TMEM223: variants seen among roughly 807,000 people sequenced by gnomAD.
TMEM223 encodes the protein transmembrane protein 223.
Under a neutral mutation model 14.1 loss-of-function variants are expected in TMEM223, and 14 were observed. The observed-to-expected ratio is 0.99, with a 90% confidence interval of 0.66 to 1.55. The LOEUF (loss-of-function observed/expected upper bound fraction) is 1.55, where lower values mean the gene tolerates loss of function less well. Ranked by LOEUF, TMEM223 falls within the 40% of genes most tolerant of loss-of-function variation. The pLI is 0.00. For synonymous variants in TMEM223, 145 were observed against 120.5 expected (o/e 1.20, Z -1.33); for missense variants, 346 against 269.9 (o/e 1.28, Z -1.97).
At position 62,791,316 on chromosome 11, in the gene TMEM223, G is replaced by A. The variant is rs569688379; in HGVS notation, c.316+363C>T. On this transcript the variant is annotated intron_variant, in intron 1 of 1. Transcript: ENST00000307366. ...TCGGTCGCTTAGGCTGGAGTGCAGTGGCGTCATCTCGGCTCACTGCAACCT... is the reference window on the plus strand; with the variant it reads ...TCGGTCGCTTAGGCTGGAGTGCAGTAGCGTCATCTCGGCTCACTGCAACCT... Among the ~76,000 whole-genome samples, 17 of 152,128 alleles carry A rather than the reference G, an allele frequency of 1.1e-4. No individual in the cohort carries two copies. In the East Asian group the frequency reaches 3.1e-3, roughly 28 times the overall value.
At chr11:62,787,858 T>G (rs2084306902), downstream of TMEM223, 2 of 619,282 alleles carry the variant, frequency 3.2e-6, no homozygotes, top group African/African-American at 1.8e-5. Flanking sequence ...CGTCCATCCG[T>G]TAAATCAGAA....
downstream of TMEM223, chr11:62,771,381 GGCC>G (rs1206827903): frequency 2.6e-5 from 4 of 153,376 alleles, no homozygotes; most frequent in African/African-American, 9.7e-5. Flanking sequence ...GGGAGGGCGG[GGCC>G]GGGGCCCCGG....
downstream of TMEM223, among the ~76,000 whole-genome samples, chr11:62,785,800 G>T (rs2084269152): frequency 6.6e-6 from 1 of 152,158 alleles, no homozygotes; most frequent in Admixed American, 6.5e-5. Flanking sequence ...CTCCCAAAGT[G>T]CTGGGATTAC....
At position 62,777,996 on chromosome 11, in the gene TMEM223, T is replaced by C. The variant is rs773009675; in HGVS notation, c.315-3331A>G. On this transcript the variant is annotated intron_variant, in intron 1 of 2. Transcript: ENST00000528367. Reference sequence around the variant, plus strand: ...TCCTCAGGCTGTGTGTGGTTACGGATCACAGGAGGCACTGCCCATGCGCCC... The same window carrying C: ...TCCTCAGGCTGTGTGTGGTTACGGACCACAGGAGGCACTGCCCATGCGCCC... 3 of 1,614,044 alleles carry C rather than the reference T, an allele frequency of 1.9e-6. No homozygotes were observed. In the African/African-American group the frequency reaches 4.0e-5, roughly 22 times the overall value.
chr11:62,779,857 G>A (rs1415302121), intron 1 of TMEM223, among the ~76,000 whole-genome samples: 2 of 143,980 alleles, frequency 1.4e-5, no homozygotes, highest in Non-Finnish European at 3.0e-5. Flanking sequence ...GTAGAGATGA[G>A]GTTTCACCGT....
At position 62,790,595 on chromosome 11, in the gene TMEM223, G is replaced by C. The variant is rs774747138; in HGVS notation, c.*28C>G. ...AGGTTCAGTTTTTATCCTCCTCTTG[G>C]AGAGGTGAGTGACTTGAGGTCATTT... On this transcript the variant is annotated 3_prime_UTR_variant, in exon 2 of 2. Coordinates refer to ENST00000307366, the MANE Select transcript of TMEM223 (RefSeq NM_001080501.3). 1.3e-5 allele frequency: 20 copies of C among 1,583,882 alleles called. No homozygotes were observed. Among genetic ancestry groups the C allele is most frequent in the Non-Finnish European group, 1.6e-5 (19 of 1,161,212 alleles).
At chr11:62,791,468 AGGATGGTCT>A (rs2084360222) in intron 1 of TMEM223, among the ~76,000 whole-genome samples, 1 of 152,186 alleles carries the variant, frequency 6.6e-6, no homozygotes, top group Non-Finnish European at 1.5e-5. Flanking sequence ...GGTGTTAGCC[AGGATGGTCT>A]GGATGTCCTG....
intron 1 of TMEM223, among the ~76,000 whole-genome samples, chr11:62,776,668 T>G (rs2084190520): frequency 6.6e-6 from 1 of 151,768 alleles, no homozygotes; most frequent in South Asian, 2.1e-4. Flanking sequence ...CTGGCCAACA[T>G]GGCGAAACCC....
intron 1 of TMEM223, among the ~76,000 whole-genome samples, chr11:62,791,135 G>T (rs2084356232): frequency 6.6e-6 from 1 of 152,096 alleles, no homozygotes; most frequent in Admixed American, 6.5e-5. Context: ...AACCTTAATA[G>T]ATGTCCGTTT....
intron 1 of TMEM223, among the ~76,000 whole-genome samples, chr11:62,779,311 T>C (rs924400385): frequency 4.6e-5 from 7 of 151,894 alleles, no homozygotes; most frequent in Non-Finnish European, 7.4e-5. Context: ...TCTCCTGCCT[T>C]AGCCTCCCGA....
chr11:62,774,716 A>G, intron 1 of TMEM223: 1 of 453,586 alleles, frequency 2.2e-6, no homozygotes, highest in Admixed American at 2.4e-5. Context: ...AAACTGGGGA[A>G]GACCAAACAC....
chr11:62,782,581 C>A, downstream of TMEM223: 1 of 1,468,942 alleles, frequency 6.8e-7, no homozygotes, highest in Non-Finnish European at 9.3e-7. Flanking sequence ...CTTCACTTAA[C>A]CCCAGCACTC....
downstream of TMEM223, chr11:62,789,196 C>A: frequency 6.2e-7 from 1 of 1,614,148 alleles, no homozygotes; most frequent in Non-Finnish European, 8.5e-7. Context: ...GCAGCTGCAT[C>A]GAGGACTCCC....
downstream of TMEM223, chr11:62,789,594 C>T (rs1387669393): frequency 1.3e-6 from 2 of 1,549,628 alleles, no homozygotes; most frequent in Non-Finnish European, 1.7e-6. Flanking sequence ...TCTCTTTGAC[C>T]TCACAGCTGT....
In TMEM223 at chr11:62,779,255, C is replaced by T. The variant is rs1206556664; in HGVS notation, c.315-4590G>A. 3.3e-5 allele frequency among the ~76,000 whole-genome samples: 5 copies of T among 151,744 alleles called. No homozygotes were observed. The South Asian group carries it at 8.3e-4, about 25-fold the overall frequency. Reference sequence around the variant, plus strand: ...TGTCACCCAGGCTGGAGTGCAGTGGCGCGATCTCGGCTCACTGCAAGCTCC... The same window carrying T: ...TGTCACCCAGGCTGGAGTGCAGTGGTGCGATCTCGGCTCACTGCAAGCTCC... On this transcript the variant is annotated intron_variant, in intron 1 of 2. Coordinates refer to the TMEM223 transcript ENST00000528367.
chr11:62,789,355 G>A (rs2084331189), downstream of TMEM223: 1 of 1,613,890 alleles, frequency 6.2e-7, no homozygotes, highest in Non-Finnish European at 8.5e-7. Context: ...TGGTCTTGGT[G>A]TCTGCCTGTA....
intron 2 of TMEM223, among the ~76,000 whole-genome samples, chr11:62,772,378 C>T (rs1177862869): frequency 2.0e-5 from 3 of 152,000 alleles, no homozygotes; most frequent in Non-Finnish European, 2.9e-5. Flanking sequence ...AAAAAATTAG[C>T]TGGGCATGGC....
chr11:62,782,256 G>A lies in TMEM223; in HGVS notation c.315-7591C>T, dbSNP rs772861505. On this transcript the variant is annotated intron_variant, in intron 1 of 2. Coordinates refer to the TMEM223 transcript ENST00000528367. ...TCCTCTACTGTGTCCTGGAGCCACTGGCTGCCTCCATCAACCCCCTGAATG... is the reference window on the plus strand; with the variant it reads ...TCCTCTACTGTGTCCTGGAGCCACTAGCTGCCTCCATCAACCCCCTGAATG... 8.7e-6 allele frequency: 14 copies of A among 1,614,090 alleles called. No individual in the cohort carries two copies. The Admixed American group carries it at 1.3e-4, about 15-fold the overall frequency.
intron 1 of TMEM223, among the ~76,000 whole-genome samples, chr11:62,776,129 G>A (rs2084186552): frequency 6.6e-6 from 1 of 152,210 alleles, no homozygotes; most frequent in South Asian, 2.1e-4. Flanking sequence ...CTTCCCATGT[G>A]CTCCTCACAA....
Sources: gnomAD v4.1 joint callset for allele counts (sites outside exome capture counted in the v4.1 genomes callset) on GRCh38, gnomAD v4.1.1 for gene constraint, MANE v1.5 for transcripts, NCBI Gene and HGNC (gene_info 2026-07-23, HGNC 2026-07-21) for gene names.